GSE1: variants seen among roughly 807,000 people sequenced by gnomAD.
The protein encoded by GSE1 is Gse1 coiled-coil protein, also known as genetic suppressor element 1.
GSE1 carries 32 observed loss-of-function variants against 112.6 expected under a neutral mutation model. That is an observed-to-expected ratio of 0.28 (90% CI 0.21 to 0.38). The LOEUF (loss-of-function observed/expected upper bound fraction) is 0.38, where lower values mean the gene tolerates loss of function less well. Among genes scored for constraint, GSE1 ranks in the 10% least tolerant of loss-of-function variants. The probability of loss-of-function intolerance (pLI) is 1.00; values close to 1 mark genes in which losing one functional copy is unlikely to be tolerated. For missense variants in GSE1, 2,348 were observed against 1,699.2 expected, an observed-to-expected ratio of 1.38 and a Z score of -6.71; for synonymous variants, 1,115 against 735.6, an observed-to-expected ratio of 1.52 and a Z score of -8.35.
chr16:85,664,959 T>TTC, intron 11 of GSE1, 56 bp from the exon 12 acceptor site: 4 of 1,186,456 alleles, frequency 3.4e-6, no homozygotes, highest in Non-Finnish European at 5.0e-6. Flanking sequence ...CCCGCTGTCC[T>TTC]TCTCTCCAAA....
chr16:85,382,113 G>T (rs921505807), intron 2 of GSE1, among the ~76,000 whole-genome samples: 1 of 152,218 alleles, frequency 6.6e-6, no homozygotes, highest in Non-Finnish European at 1.5e-5. Context: ...TTGCGGCCCT[G>T]GGCTGGCCGG....
intron 2 of GSE1, among the ~76,000 whole-genome samples, chr16:85,464,405 A>G (rs2050066362): frequency 6.6e-6 from 1 of 152,184 alleles, no homozygotes; most frequent in Admixed American, 6.5e-5. Flanking sequence ...GTGAACCTGC[A>G]AAACTCTCTT....
chr16:85,626,496 G>A (rs547277109), intron 1 of GSE1, among the ~76,000 whole-genome samples: 5 of 152,304 alleles, frequency 3.3e-5, no homozygotes, highest in East Asian at 1.9e-4. Context: ...TTCTTTCTGC[G>A]GTAATGAAAA....
At chr16:85,550,957 C>T (rs574038281) in intron 2 of GSE1, among the ~76,000 whole-genome samples, 1 of 152,224 alleles carries the variant, frequency 6.6e-6, no homozygotes, top group Admixed American at 6.5e-5. Flanking sequence ...TCTGCTGTGT[C>T]CAGAACATGG....
At chr16:85,494,945 C>G (rs1250949316) in intron 2 of GSE1, among the ~76,000 whole-genome samples, 1 of 152,136 alleles carries the variant, frequency 6.6e-6, no homozygotes, top group East Asian at 1.9e-4. Context: ...CATCGGACTC[C>G]TGCTGCTTGG....
At chr16:85,486,587 C>T (rs2050846899) in intron 2 of GSE1, among the ~76,000 whole-genome samples, 1 of 152,228 alleles carries the variant, frequency 6.6e-6, no homozygotes, top group Non-Finnish European at 1.5e-5. Context: ...GTCCACGGCT[C>T]CTGTGGTGTG....
At chr16:85,334,063 C>T (rs1019782244) in intron 1 of GSE1, among the ~76,000 whole-genome samples, 25 of 152,326 alleles carry the variant, frequency 1.6e-4, no homozygotes, top group Non-Finnish European at 2.4e-4. Context: ...TCCTCAGACC[C>T]GCTCCCTCTC....
chr16:85,448,944 T>C (rs1031921886), intron 2 of GSE1, among the ~76,000 whole-genome samples: 33 of 152,066 alleles, frequency 2.2e-4, no homozygotes, highest in Admixed American at 5.9e-4. Flanking sequence ...GAGTCGAAAA[T>C]CCAGGAGCTG....
intron 14 of GSE1, among the ~76,000 whole-genome samples, chr16:85,669,965 A>G (rs976303025): frequency 1.3e-5 from 2 of 152,188 alleles, no homozygotes; most frequent in African/African-American, 4.8e-5. Context: ...CTTTCCCCCA[A>G]GGACTTTTCC....
chr16:85,356,483 C>T (rs1597473424), intron 1 of GSE1, among the ~76,000 whole-genome samples: 1 of 152,336 alleles, frequency 6.6e-6, no homozygotes, highest in Non-Finnish European at 1.5e-5. Context: ...CCCCTTGGTG[C>T]AGGGACCTAG....
chr16:85,647,018 G>C (rs545961274), intron 2 of GSE1, among the ~76,000 whole-genome samples: 123 of 152,298 alleles, frequency 8.1e-4, no homozygotes, highest in African/African-American at 2.8e-3. Flanking sequence ...TTCTGACCTG[G>C]GCGGGAGGGA....
At chr16:85,383,527 G>GTCTC (rs55919597) in intron 2 of GSE1, among the ~76,000 whole-genome samples, 18 of 130,854 alleles carry the variant, frequency 1.4e-4, no homozygotes, top group East Asian at 1.1e-3. Flanking sequence ...GCACACCTGC[G>GTCTC]TCTCTCTCTC....
At position 85,352,097 on chromosome 16, in the gene GSE1, G is replaced by A. The variant is rs144606901; in HGVS notation, c.2284-5366G>A. Among the ~76,000 whole-genome samples the A allele has an allele frequency of 4.3e-3, 657 of 152,292 alleles. 6 individuals are homozygous for A. Among genetic ancestry groups the A allele is most frequent in the African/African-American group, 0.015 (628 of 41,540 alleles). ...AACTTGGCACTGACCACACGTGTGT[G>A]CATGCACATACACACATACAGTCTT... On this transcript the variant is annotated intron_variant, in intron 1 of 2. Coordinates refer to the GSE1 transcript ENST00000637419.
chr16:85,340,272 C>A (rs1019989377), intron 1 of GSE1, among the ~76,000 whole-genome samples: 3 of 152,078 alleles, frequency 2.0e-5, no homozygotes, highest in Admixed American at 6.6e-5. Context: ...ATCACTTGAG[C>A]CCACCAGTTC....
At chr16:85,585,249 TG>T (rs2046637327) in intron 1 of GSE1, among the ~76,000 whole-genome samples, 1 of 152,196 alleles carries the variant, frequency 6.6e-6, no homozygotes, top group Non-Finnish European at 1.5e-5. Context: ...ACCGGCGTCC[TG>T]GGGTCCAGAG....
rs765812479 is a variant in GSE1, at chr16:85,655,844, T to C, written c.916T>C (p.Tyr306His). 4.3e-6 allele frequency: 7 copies of C among 1,610,144 alleles called. No homozygotes were observed. Among genetic ancestry groups the C allele is most frequent in the Non-Finnish European group, 2.5e-6 (3 of 1,179,800 alleles). ...AMHLHLSGVR[Y>H]PPELSHSSLA... ...GCACCTGCACCTCTCTGGGGTCCGC[T>C]ACCCTCCCGAGCTCTCCCACTCATC... The change falls in exon 6 of 16, where the codon TAC becomes CAC. Residue 306 changes from tyrosine (Y) to histidine (H), a missense_variant. By Grantham distance (83) the Tyr-to-His change is moderately conservative. Coordinates refer to ENST00000253458, the MANE Select transcript of GSE1 (RefSeq NM_014615.5).
At position 85,194,168 on chromosome 16, in the gene GSE1, C is replaced by G. The variant is rs2074882828; in HGVS notation, c.2283+22361C>G. 3.3e-5 allele frequency among the ~76,000 whole-genome samples: 5 copies of G among 152,198 alleles called. No homozygotes were observed. The South Asian group carries it at 1.0e-3, about 31-fold the overall frequency. ...ATCCGTTCAGGAGAATGGTCACCTTCTCTCTTTGCTGCTGTTCTTGGACTC... is the reference window on the plus strand; with the variant it reads ...ATCCGTTCAGGAGAATGGTCACCTTGTCTCTTTGCTGCTGTTCTTGGACTC... On this transcript the variant is annotated intron_variant, in intron 1 of 2. Coordinates refer to the GSE1 transcript ENST00000637419.
intron 1 of GSE1, among the ~76,000 whole-genome samples, chr16:85,336,068 G>C (rs1452733076): frequency 6.6e-6 from 1 of 152,150 alleles, no homozygotes; most frequent in East Asian, 1.9e-4. Context: ...GGAACAGGGC[G>C]TGGAGGCTGC....
At position 85,241,172 on chromosome 16, in the gene GSE1, C is replaced by A. The variant is rs1189409666; in HGVS notation, c.2283+69365C>A. On this transcript the variant is annotated intron_variant, in intron 1 of 2. Transcript: ENST00000637419. ...AGCTGCGTGACCTTGGGCTCGGCTGCGTGACCTTGGGCTCGGCTGCGAGAC... is the reference window on the plus strand; with the variant it reads ...AGCTGCGTGACCTTGGGCTCGGCTGAGTGACCTTGGGCTCGGCTGCGAGAC... 1.1e-4 allele frequency among the ~76,000 whole-genome samples: 16 copies of A among 151,858 alleles called. No homozygotes were observed. The South Asian group carries it at 3.1e-3, about 30-fold the overall frequency.
Sources: allele counts gnomAD v4.1 joint callset (sites outside exome capture counted in the v4.1 genomes callset), GRCh38; gene constraint gnomAD v4.1.1; transcripts MANE v1.5; gene names NCBI Gene and HGNC (gene_info 2026-07-23, HGNC 2026-07-21).